ERO1A: variants seen among roughly 807,000 people sequenced by gnomAD.
The protein encoded by ERO1A is endoplasmic reticulum oxidoreductase 1 alpha, also known as ERO1-like protein alpha.
ERO1A carries 49 observed loss-of-function variants against 76.9 expected under a neutral mutation model. The observed-to-expected ratio is 0.64, with a 90% CI of 0.51 to 0.81. The LOEUF (loss-of-function observed/expected upper bound fraction) is 0.81, where lower values mean the gene tolerates loss of function less well. ERO1A is among the 30% of genes least tolerant of loss of function. The pLI, the probability that ERO1A is intolerant of heterozygous loss-of-function variation, is 0.00. For missense variants in ERO1A, 448 were observed against 542.1 expected, an observed-to-expected ratio of 0.83 and a Z score of 1.72; for synonymous variants, 174 against 181.2, an observed-to-expected ratio of 0.96 and a Z score of 0.32.
chr14:52,650,607 T>C (rs985623683), intron 13 of ERO1A, among the ~76,000 whole-genome samples: 2 of 152,134 alleles, frequency 1.3e-5, no homozygotes, highest in African/African-American at 4.8e-5. Flanking sequence ...TGTATGTATA[T>C]ATAAAATCAG....
intron 1 of ERO1A, among the ~76,000 whole-genome samples, chr14:52,691,357 G>A (rs924469905): frequency 4.1e-4 from 62 of 152,282 alleles, no homozygotes; most frequent in Middle Eastern, 3.4e-3. Context: ...TAGTCTTGCC[G>A]AAACTTTAAA....
intron 13 of ERO1A, among the ~76,000 whole-genome samples, chr14:52,648,465 A>G (rs2039745602): frequency 6.6e-6 from 1 of 152,208 alleles, no homozygotes; most frequent in South Asian, 2.1e-4. Context: ...CCACATAGAG[A>G]CAAGACTATA....
intron 3 of ERO1A, among the ~76,000 whole-genome samples, chr14:52,679,141 T>C (rs890372486): frequency 1.3e-5 from 2 of 152,146 alleles, no homozygotes; most frequent in Admixed American, 1.3e-4. Flanking sequence ...GCTGGCACCA[T>C]GCTTCTTCCC....
chr14:52,660,832 A>C (rs912819002), intron 9 of ERO1A, among the ~76,000 whole-genome samples: 4 of 152,250 alleles, frequency 2.6e-5, no homozygotes, highest in Non-Finnish European at 5.9e-5. Flanking sequence ...AACCTAATGT[A>C]TGCTGAAACT....
chr14:52,663,664 T>C, intron 8 of ERO1A, 137 bp downstream of exon 8: 1 of 533,506 alleles, frequency 1.9e-6, no homozygotes, highest in Non-Finnish European at 3.4e-6. Context: ...TCTGCAAGCG[T>C]GAGGCATAAC....
intron 4 of ERO1A, among the ~76,000 whole-genome samples, chr14:52,672,731 C>A (rs1200898863): frequency 6.8e-6 from 1 of 147,442 alleles, no homozygotes; most frequent in African/African-American, 2.5e-5. Flanking sequence ...ATAATCTTAC[C>A]ACTGCATTCC....
chr14:52,687,172 A>C (rs887846254), intron 1 of ERO1A, among the ~76,000 whole-genome samples: 4 of 152,178 alleles, frequency 2.6e-5, no homozygotes, highest in Non-Finnish European at 5.9e-5. Flanking sequence ...TCATGCCTGT[A>C]ATCAGCACTT....
rs200747568 is a variant in ERO1A at position 52,684,150 on chromosome 14, C to G, written c.115-243G>C. Among the ~76,000 whole-genome samples, 629 of 139,368 alleles carry G rather than the reference C, an allele frequency of 4.5e-3. 2 individuals are homozygous for G. The highest frequency in any genetic ancestry group is 0.01 in the South Asian group (45 of 4,332). The allele number at this position is 139,368 out of a possible 152,430, so 91.4% of individuals were successfully genotyped here. ...ACACACACACACACACACACACACA[C>G]AGAGAGAGTTGGCCCCCTGGCAACC... On this transcript the variant is annotated intron_variant, in intron 1 of 15. Coordinates refer to ENST00000395686, the MANE Select transcript of ERO1A (RefSeq NM_014584.3).
intron 2 of ERO1A, among the ~76,000 whole-genome samples, chr14:52,683,225 A>T (rs2041059813): frequency 6.6e-6 from 1 of 152,154 alleles, no homozygotes; most frequent in South Asian, 2.1e-4. Context: ...AAAAAGACAC[A>T]GACTGCCACT....
chr14:52,671,040 TTC>T (rs2040580246), intron 6 of ERO1A, among the ~76,000 whole-genome samples: 1 of 152,196 alleles, frequency 6.6e-6, no homozygotes, highest in Non-Finnish European at 1.5e-5. Context: ...TTAATCTACT[TTC>T]TGTCTCCATG....
intron 1 of ERO1A, among the ~76,000 whole-genome samples, chr14:52,693,002 CTTTTT>C (rs559143853): frequency 3.5e-5 from 3 of 85,726 alleles, no homozygotes; most frequent in South Asian, 4.9e-4. Flanking sequence ...AAATAGACAA[CTTTTT>C]TTTTTTTTTT....
At chr14:52,665,373 T>C (rs976950435) in intron 7 of ERO1A, among the ~76,000 whole-genome samples, 5 of 150,804 alleles carry the variant, frequency 3.3e-5, no homozygotes, top group African/African-American at 1.2e-4. Flanking sequence ...GTCAAGATAA[T>C]TTAAATAAAA....
intron 2 of ERO1A, 22 bp downstream of exon 2, chr14:52,683,765 TA>T (rs1437285688): frequency 9.2e-7 from 1 of 1,085,446 alleles, no homozygotes; most frequent in Non-Finnish European, 1.3e-6. Context: ...TATTCATATA[TA>T]AAAAATTAAA....
intron 12 of ERO1A, 85 bp downstream of exon 12, chr14:52,652,984 G>C: frequency 1.1e-6 from 1 of 916,990 alleles, no homozygotes; most frequent in Admixed American, 2.6e-5. Context: ...AACAGAGGGA[G>C]AGCCTGTCTC....
intron 4 of ERO1A, 108 bp downstream of exon 4, chr14:52,678,326 G>A: frequency 2.7e-6 from 2 of 741,214 alleles, no homozygotes; most frequent in Non-Finnish European, 2.3e-6. Flanking sequence ...TACCTCTCAA[G>A]GGGTTTCACC....
intron 13 of ERO1A, chr14:52,646,969 GTTTCTTT>G (rs1484666043): frequency 0.022 from 2,486 of 110,640 alleles, 144 homozygotes; most frequent in Non-Finnish European, 0.029. Context: ...AAATCCTTTG[GTTTCTTT>G]TTTTTTTTTT....
chr14:52,690,783 C>T (rs8005967), intron 1 of ERO1A, among the ~76,000 whole-genome samples: 67,643 of 151,996 alleles, frequency 0.45, 15,621 homozygotes, highest in African/African-American at 0.57. Context: ...CTTTTTTCTT[C>T]TGACACGCAG....
chr14:52,663,861 G>T lies in ERO1A; in HGVS notation c.630-14C>A, dbSNP rs774931085. 6.7e-7 allele frequency: 1 copy of T among 1,486,820 alleles called. No individual in the cohort carries two copies. Among genetic ancestry groups the T allele is most frequent in the African/African-American group, 1.4e-5 (1 of 71,752 alleles). 92.1% of individuals were successfully genotyped at this position (1,486,820 alleles called of 1,614,324 possible). A position where few individuals can be genotyped will look rare whatever the true frequency, so the allele number is the denominator to read the frequency against. On this transcript the variant is annotated splice_polypyrimidine_tract_variant and intron_variant, in intron 7 of 15. Coordinates refer to ENST00000395686, the MANE Select transcript of ERO1A (RefSeq NM_014584.3). ...ATTGTCTGTGGCCTAGAAGTAAAAA[G>T]AATTAAAAATATCAACACAAATATG...
intron 1 of ERO1A, among the ~76,000 whole-genome samples, chr14:52,688,402 A>G (rs2041247914): frequency 6.6e-6 from 1 of 152,174 alleles, no homozygotes; most frequent in Non-Finnish European, 1.5e-5. Flanking sequence ...TTTTCACTTT[A>G]TCCCAGCTAT....
Sources: gnomAD v4.1 joint callset for allele counts (sites outside exome capture counted in the v4.1 genomes callset) on GRCh38, gnomAD v4.1.1 for gene constraint, MANE v1.5 for transcripts, NCBI Gene and HGNC (gene_info 2026-07-23, HGNC 2026-07-21) for gene names.